IARS2: variants seen among roughly 807,000 people sequenced by gnomAD.
IARS2 encodes isoleucyl-tRNA synthetase 2, mitochondrial, also known as isoleucine--tRNA ligase, mitochondrial.
Under a neutral mutation model 126.3 loss-of-function variants are expected in IARS2, and 56 were observed. The observed-to-expected ratio is 0.44, with a 90% confidence interval of 0.36 to 0.55. The LOEUF (loss-of-function observed/expected upper bound fraction) is 0.55, where lower values mean the gene tolerates loss of function less well. IARS2 is among the 20% of genes least tolerant of loss of function. The probability of loss-of-function intolerance (pLI) is 0.00; values close to 1 mark genes in which losing one functional copy is unlikely to be tolerated. For missense variants in IARS2, 1,127 were observed against 1,245.9 expected, an observed-to-expected ratio of 0.90 and a Z score of 1.44; for synonymous variants, 407 against 441.1, an observed-to-expected ratio of 0.92 and a Z score of 0.97.
At chr1:220,141,490 T>C (rs1657492045) in intron 19 of IARS2, among the ~76,000 whole-genome samples, 2 of 152,146 alleles carry the variant, frequency 1.3e-5, no homozygotes, top group Admixed American at 6.6e-5. Context: ...ACTAATAACA[T>C]TGGAGTGGGT....
At chr1:220,114,866 T>G (rs1124763) in intron 12 of IARS2, among the ~76,000 whole-genome samples, 7,795 of 152,156 alleles carry the variant, frequency 0.051, 245 homozygotes, top group East Asian at 0.11. Flanking sequence ...TATGTAATTG[T>G]GTAGATACTT....
At chr1:220,118,302 CTT>C (rs1470862169) in intron 12 of IARS2, 2 of 328,296 alleles carry the variant, frequency 6.1e-6, no homozygotes, top group African/African-American at 4.5e-5. Flanking sequence ...TCTAAGTATA[CTT>C]GTTTCACAGA....
intron 19 of IARS2, 103 bp from the exon 20 acceptor site, chr1:220,141,700 T>A: frequency 9.0e-7 from 1 of 1,112,276 alleles, no homozygotes. Context: ...ATTAGAGCCA[T>A]AGGATTAGCC....
chr1:220,135,970 G>A (rs770857396), intron 15 of IARS2, among the ~76,000 whole-genome samples: 1 of 151,828 alleles, frequency 6.6e-6, no homozygotes, highest in African/African-American at 2.4e-5. Context: ...TGATCTCCTT[G>A]CTGTCTCTGT....
chr1:220,094,490 G>A lies in IARS2; in HGVS notation c.267+7G>A. 6.3e-7 allele frequency: 1 copy of A among 1,584,354 alleles called. No homozygotes were observed. Among genetic ancestry groups the A allele is most frequent in the Non-Finnish European group, 8.6e-7 (1 of 1,167,374 alleles). On this transcript the variant is annotated splice_region_variant and intron_variant, in intron 1 of 22. Transcript: ENST00000366922. ...GGAGCTGGAGATCCAGCAGGTACGG[G>A]CCCCGCCTCGGCGCGGGGCCTCCAG...
intron 13 of IARS2, 144 bp from the exon 14 acceptor site, chr1:220,126,606 A>G (rs1480753330): frequency 1.6e-6 from 1 of 637,638 alleles, no homozygotes; most frequent in Non-Finnish European, 2.7e-6. Context: ...GTTAACTGTG[A>G]AATGCTTAAA....
chr1:220,105,781 C>A (rs1656667044), intron 8 of IARS2, 110 bp from the exon 9 acceptor site: 1 of 845,058 alleles, frequency 1.2e-6, no homozygotes, highest in Admixed American at 2.1e-5. Flanking sequence ...TTAAGCCTAG[C>A]CAGTATTGTT....
chr1:220,096,034 G>A, intron 1 of IARS2, 70 bp from the exon 2 acceptor site: 1 of 847,154 alleles, frequency 1.2e-6, no homozygotes, highest in South Asian at 2.0e-5. Flanking sequence ...AGTGTTGGCT[G>A]TTATTTATGG....
intron 19 of IARS2, 106 bp downstream of exon 19, chr1:220,140,395 C>A: frequency 1.5e-6 from 1 of 676,290 alleles, no homozygotes; most frequent in Non-Finnish European, 2.6e-6. Context: ...GACATGAGGC[C>A]AGGAGTTCGA....
Position 220,138,838 on chromosome 1 carries a change from G to T in IARS2, c.2176-170G>T, listed in dbSNP as rs80035134. ...AACTGGGCTATTGGAATAAGAGTTT[G>T]TTGTGTACTTTTTGTTTTTTATTTT... is the stretch of plus-strand genomic sequence containing the variant. On this transcript the variant is annotated intron_variant, in intron 17 of 22. Transcript: ENST00000366922. Among the ~76,000 whole-genome samples the T allele has an allele frequency of 3.3e-4, 50 of 152,198 alleles. No individual in the cohort carries two copies. The East Asian group carries it at 9.7e-3, about 29-fold the overall frequency.
intron 3 of IARS2, among the ~76,000 whole-genome samples, chr1:220,101,739 G>T (rs980791668): frequency 9.9e-5 from 15 of 152,116 alleles, no homozygotes; most frequent in African/African-American, 3.4e-4. Flanking sequence ...CGTGGCTCAC[G>T]CCTGTAATCC....
In IARS2 at chr1:220,147,825, A is replaced by G. The variant is rs1417633293; in HGVS notation, c.*190A>G. ...TAACTATAGAAAGAATTATGTATAT[A>G]TACATGCAGAAATATATATGTGTGT... On this transcript the variant is annotated 3_prime_UTR_variant, in exon 23 of 23. Transcript: ENST00000366922. The G allele has an allele frequency of 6.8e-6, 4 of 588,160 alleles. No homozygotes were observed. The Admixed American group carries it at 1.2e-4, about 18-fold the overall frequency. The allele number at this position is 588,160 out of a possible 1,614,324, so 36.4% of individuals were successfully genotyped here.
At chr1:220,140,878 G>C (rs553622187) in intron 19 of IARS2, among the ~76,000 whole-genome samples, 3 of 151,852 alleles carry the variant, frequency 2.0e-5, no homozygotes, top group Admixed American at 2.0e-4. Flanking sequence ...CAGCTACTTG[G>C]GAGGCTGAGG....
intron 13 of IARS2, among the ~76,000 whole-genome samples, chr1:220,126,259 A>T (rs1201595831): frequency 6.6e-6 from 1 of 152,186 alleles, no homozygotes; most frequent in Non-Finnish European, 1.5e-5. Context: ...TGGGCAACAG[A>T]GTAAGACTCT....
At chr1:220,107,801 C>T (rs1289015820) in intron 10 of IARS2, among the ~76,000 whole-genome samples, 1 of 152,178 alleles carries the variant, frequency 6.6e-6, no homozygotes, top group African/African-American at 2.4e-5. Context: ...CCTTACTTGC[C>T]TCTTTCTAGC....
chr1:220,094,262 G>A lies in IARS2; in HGVS notation c.46G>A (p.Ala16Thr), dbSNP rs1393868220. The A allele has an allele frequency of 6.2e-7, 1 of 1,607,160 alleles. No homozygotes were observed. The highest frequency in any genetic ancestry group is 8.5e-7 in the Non-Finnish European group (1 of 1,176,910). ...RPRGPGAAAL[A>T]TARSLWGTPR... ...TCGCGGGCCGGGCGCGGCCGCCCTGGCCACTGCCCGAAGTTTGTGGGGGAC... is the reference window on the plus strand; with the variant it reads ...TCGCGGGCCGGGCGCGGCCGCCCTGACCACTGCCCGAAGTTTGTGGGGGAC... Residue 16 changes from alanine (A) to threonine (T), a missense_variant, in exon 1 of 23, where the codon GCC becomes ACC. Physicochemically the swap from Ala to Thr is moderately conservative, Grantham distance 58. Transcript: ENST00000366922.
Position 220,102,497 on chromosome 1 carries a change from C to T in IARS2, c.752C>T (p.Thr251Ile), listed in dbSNP as rs753601921. The change falls in exon 6 of 23, where the codon ACT becomes ATT. Residue 251 changes from threonine (T) to isoleucine (I), a missense_variant and splice_region_variant. Transcript: ENST00000366922. ...KPVFWSPSSR[T>I]ALAEAELEYN... is the part of the protein sequence containing the mutation. The stretch of plus-strand genomic sequence containing the variant: ...TGTTTAATATTTTTAACCCTTAGGA[C>T]TGCATTGGCTGAAGCAGAACTTGAA... The T allele has an allele frequency of 6.2e-7, 1 of 1,613,162 alleles. No homozygotes were observed. Among genetic ancestry groups the T allele is most frequent in the Non-Finnish European group, 8.5e-7 (1 of 1,179,296 alleles).
intron 12 of IARS2, among the ~76,000 whole-genome samples, chr1:220,121,735 G>A (rs763689218): frequency 4.6e-5 from 7 of 152,108 alleles, no homozygotes; most frequent in Non-Finnish European, 7.4e-5. Flanking sequence ...ATGAGCCACC[G>A]TGCCAGGCCA....
chr1:220,099,441 TA>T (rs1420525162), intron 2 of IARS2, among the ~76,000 whole-genome samples: 1 of 152,192 alleles, frequency 6.6e-6, no homozygotes. Flanking sequence ...TGAAATCAGG[TA>T]TATATTTTAT....
Sources: allele counts gnomAD v4.1 joint callset (sites outside exome capture counted in the v4.1 genomes callset), GRCh38; gene constraint gnomAD v4.1.1; transcripts MANE v1.5; gene names NCBI Gene and HGNC (gene_info 2026-07-23, HGNC 2026-07-21).